Variants in CTNNA3 observed in about 807,000 individuals in gnomAD.
The protein encoded by CTNNA3 is catenin alpha-3.
A neutral mutation model predicts 95.7 loss-of-function variants in CTNNA3; 76 were observed. The ratio of observed to expected loss-of-function variants is 0.79; its 90% CI spans 0.66 to 0.96. CTNNA3 has a LOEUF of 0.96. Ranked by LOEUF, CTNNA3 falls within the 40% of genes least tolerant of loss-of-function variation. The pLI is 0.00. For missense variants in CTNNA3, 1,191 were observed against 1,089.8 expected, an observed-to-expected ratio of 1.09 and a Z score of -1.31; for synonymous variants, 431 against 374.4, an observed-to-expected ratio of 1.15 and a Z score of -1.74.
chr10:66,635,990 C>CTGTGTGTGTGTGTG (rs10527642), intron 9 of CTNNA3, among the ~76,000 whole-genome samples: 42 of 145,944 alleles, frequency 2.9e-4, no homozygotes, highest in Non-Finnish European at 3.8e-4. Flanking sequence ...TGGAAGAACA[C>CTGTGTGTGTGTGTG]TGTGTGTGTG....
At chr10:67,159,222 A>C (rs1024376246) in intron 7 of CTNNA3, among the ~76,000 whole-genome samples, 1 of 152,194 alleles carries the variant, frequency 6.6e-6, no homozygotes, top group Admixed American at 6.5e-5. Context: ...AATCAATCAC[A>C]ACCCTTTCAT....
chr10:66,595,110 G>A (rs1843669429), intron 10 of CTNNA3, among the ~76,000 whole-genome samples: 1 of 151,922 alleles, frequency 6.6e-6, no homozygotes, highest in Admixed American at 6.6e-5. Flanking sequence ...ACCTTTATGT[G>A]AGCTCAAGAA....
intron 7 of CTNNA3, among the ~76,000 whole-genome samples, chr10:66,817,670 A>C (rs4471328): frequency 0.57 from 87,150 of 151,652 alleles, 25,203 homozygotes; most frequent in Admixed American, 0.62. Context: ...AATTACTGAC[A>C]AAGAAAATCT....
intron 5 of CTNNA3, among the ~76,000 whole-genome samples, chr10:67,347,406 A>G (rs905337919): frequency 3.3e-5 from 5 of 152,126 alleles, no homozygotes; most frequent in Admixed American, 6.5e-5. Context: ...TTGTTGCATA[A>G]TGAAACAGTA....
intron 5 of CTNNA3, among the ~76,000 whole-genome samples, chr10:67,374,956 T>C (rs189916107): frequency 5.3e-5 from 8 of 152,314 alleles, no homozygotes; most frequent in Admixed American, 2.6e-4. Context: ...ATTTAGATAT[T>C]AAGTTAGGAC....
intron 9 of CTNNA3, among the ~76,000 whole-genome samples, chr10:66,753,893 T>A (rs1251492784): frequency 6.6e-6 from 1 of 151,974 alleles, no homozygotes; most frequent in Non-Finnish European, 1.5e-5. Context: ...GAGATCTAAA[T>A]AAGTAGAAAG....
chr10:67,062,062 A>C (rs1855786631), intron 7 of CTNNA3, among the ~76,000 whole-genome samples: 2 of 152,170 alleles, frequency 1.3e-5, no homozygotes, highest in East Asian at 3.8e-4. Context: ...AAGGGGAGGT[A>C]ATAATATCTT....
intron 7 of CTNNA3, among the ~76,000 whole-genome samples, chr10:67,044,482 A>G (rs529270779): frequency 1.2e-4 from 18 of 152,268 alleles, no homozygotes; most frequent in Admixed American, 7.2e-4. Flanking sequence ...TTTAAATGCA[A>G]TGTTAGAAAG....
chr10:67,583,690 G>C (rs1158499653), intron 3 of CTNNA3, among the ~76,000 whole-genome samples: 1 of 152,166 alleles, frequency 6.6e-6, no homozygotes, highest in African/African-American at 2.4e-5. Flanking sequence ...TCACTTTCAG[G>C]TACACCAATC....
intron 17 of CTNNA3, among the ~76,000 whole-genome samples, chr10:65,929,571 CTTT>C (rs1273919265): frequency 7.0e-6 from 1 of 143,176 alleles, no homozygotes; most frequent in African/African-American, 2.5e-5. Flanking sequence ...TTCTTTCTTT[CTTT>C]TTTTTTTTTT....
At chr10:66,116,660 G>A (rs1379331782) in intron 13 of CTNNA3, among the ~76,000 whole-genome samples, 2 of 152,246 alleles carry the variant, frequency 1.3e-5, no homozygotes, top group South Asian at 4.1e-4. Context: ...CTCTCACACT[G>A]CTATGAAGAA....
chr10:66,199,778 TATATATATATATATATATATATA>T (rs2087215139), intron 13 of CTNNA3, among the ~76,000 whole-genome samples: 3 of 8,864 alleles, frequency 3.4e-4, no homozygotes, highest in African/African-American at 1.1e-3. Flanking sequence ...TATATATATA[TATATATATATATATATATATATA>T]TATATTTTTT....
chr10:67,033,896 C>A (rs1183533921), intron 7 of CTNNA3, among the ~76,000 whole-genome samples: 1 of 152,096 alleles, frequency 6.6e-6, no homozygotes, highest in Non-Finnish European at 1.5e-5. Flanking sequence ...CTCAGCCTCC[C>A]TAATAGCTGG....
chr10:67,468,430 T>C (rs564933505), intron 5 of CTNNA3, among the ~76,000 whole-genome samples: 34 of 152,220 alleles, frequency 2.2e-4, no homozygotes, highest in Middle Eastern at 3.4e-3. Flanking sequence ...AATTAGTGTA[T>C]GCACCGCCAT....
intron 6 of CTNNA3, among the ~76,000 whole-genome samples, chr10:67,199,363 T>TTTGTTG (rs200825984): frequency 3.3e-5 from 5 of 151,190 alleles, no homozygotes; most frequent in Admixed American, 6.6e-5. Context: ...GTTTTTCCTT[T>TTTGTTG]TTGTTGTTGT....
chr10:66,746,931 G>A (rs1400352149), intron 9 of CTNNA3, among the ~76,000 whole-genome samples: 3 of 151,974 alleles, frequency 2.0e-5, no homozygotes, highest in South Asian at 2.1e-4. Flanking sequence ...ATGGAACTGC[G>A]ATTAGTAATT....
chr10:66,120,754 C>T (rs950296302), intron 13 of CTNNA3, among the ~76,000 whole-genome samples: 10 of 152,012 alleles, frequency 6.6e-5, no homozygotes, highest in Non-Finnish European at 1.5e-4. Context: ...CTAGGTTGTA[C>T]CCAGACAGTG....
At chr10:66,202,168 T>A (rs958038872) in intron 13 of CTNNA3, among the ~76,000 whole-genome samples, 2 of 152,232 alleles carry the variant, frequency 1.3e-5, no homozygotes, top group East Asian at 3.8e-4. Context: ...TTATGTACTC[T>A]CTTTTATTTC....
At chr10:67,418,192 T>C (rs534477671) in intron 5 of CTNNA3, among the ~76,000 whole-genome samples, 1 of 152,272 alleles carries the variant, frequency 6.6e-6, no homozygotes, top group East Asian at 1.9e-4. Context: ...TTATTAACAG[T>C]AACATGACAA....
Sources: gnomAD v4.1 joint callset for allele counts (sites outside exome capture counted in the v4.1 genomes callset) on GRCh38, gnomAD v4.1.1 for gene constraint, MANE v1.5 for transcripts, NCBI Gene and HGNC (gene_info 2026-07-23, HGNC 2026-07-21) for gene names.